ORC4: variants seen among roughly 807,000 people sequenced by gnomAD.
The protein encoded by ORC4 is origin recognition complex subunit 4.
In ORC4, 55 loss-of-function variants were observed where a neutral mutation model predicts 63.9. The observed-to-expected ratio is 0.86, with a 90% confidence interval of 0.69 to 1.08. ORC4 has a LOEUF of 1.08. ORC4 is among the 50% of genes least tolerant of loss of function. The pLI is 0.00. For missense variants in ORC4, 511 were observed against 504.4 expected (o/e 1.01, Z -0.13); for synonymous variants, 150 against 168.5 (o/e 0.89, Z 0.85).
At chr2:147,999,299 C>T (rs1055367764) in intron 1 of ORC4, among the ~76,000 whole-genome samples, 6 of 152,046 alleles carry the variant, frequency 3.9e-5, no homozygotes, top group African/African-American at 1.4e-4. Flanking sequence ...GGGTATCAGA[C>T]AAAAAGGTTT....
chr2:147,994,869 A>G (rs920080639), intron 1 of ORC4, among the ~76,000 whole-genome samples: 2 of 152,210 alleles, frequency 1.3e-5, no homozygotes, highest in African/African-American at 2.4e-5. Context: ...TACTAAAAAT[A>G]CAAAAATTAG....
At chr2:147,937,877 G>GTTA (rs2059059818) in intron 13 of ORC4, 2 of 459,264 alleles carry the variant, frequency 4.4e-6, no homozygotes, top group Non-Finnish European at 7.9e-6. Flanking sequence ...AAAGGGAAAG[G>GTTA]TTATATCACA....
intron 4 of ORC4, among the ~76,000 whole-genome samples, chr2:147,972,124 G>A (rs914704275): frequency 2.6e-5 from 4 of 151,966 alleles, no homozygotes; most frequent in Non-Finnish European, 5.9e-5. Context: ...TTGCATAAAG[G>A]ATATCAAAGA....
At chr2:147,967,117 A>G (rs1404602781) in intron 4 of ORC4, among the ~76,000 whole-genome samples, 1 of 152,010 alleles carries the variant, frequency 6.6e-6, no homozygotes, top group Non-Finnish European at 1.5e-5. Flanking sequence ...GCAGAAAAAA[A>G]CACGTGATAA....
At chr2:148,006,089 A>G (rs1300323210) in intron 1 of ORC4, among the ~76,000 whole-genome samples, 1 of 152,200 alleles carries the variant, frequency 6.6e-6, no homozygotes, top group African/African-American at 2.4e-5. Context: ...CGAAGAGGGT[A>G]GGAAAGACAG....
intron 1 of ORC4, among the ~76,000 whole-genome samples, chr2:147,984,472 C>A (rs890671484): frequency 4.6e-5 from 7 of 151,960 alleles, no homozygotes; most frequent in Admixed American, 2.0e-4. Flanking sequence ...AGGCTATTAA[C>A]AGTTAAGTTT....
intron 1 of ORC4, among the ~76,000 whole-genome samples, chr2:148,005,326 T>C (rs1017275592): frequency 2.6e-5 from 4 of 151,902 alleles, no homozygotes; most frequent in African/African-American, 9.7e-5. Flanking sequence ...AAACAACGCA[T>C]GTTCCCATAA....
chr2:147,937,050 T>C (rs1049117499), intron 13 of ORC4: 1 of 151,392 alleles, frequency 6.6e-6, no homozygotes, highest in Non-Finnish European at 1.5e-5. Context: ...ATTTAAATAC[T>C]TGGGTAACCT....
intron 1 of ORC4, among the ~76,000 whole-genome samples, chr2:147,980,192 C>T (rs1442120609): frequency 6.6e-6 from 1 of 151,860 alleles, no homozygotes; most frequent in African/African-American, 2.4e-5. Context: ...TCAGCAGATT[C>T]AACCAACTTA....
intron 1 of ORC4, among the ~76,000 whole-genome samples, chr2:147,995,080 TATAAA>T: frequency 6.6e-6 from 1 of 151,382 alleles, no homozygotes; most frequent in East Asian, 2.0e-4. Context: ...ATCAGCACTC[TATAAA>T]AACGCACCAA....
chr2:147,941,000 G>C (rs1311687026), intron 10 of ORC4, among the ~76,000 whole-genome samples: 2 of 152,048 alleles, frequency 1.3e-5, no homozygotes, highest in Non-Finnish European at 1.5e-5. Flanking sequence ...TGGTGCAAAA[G>C]TAATTGCCAT....
At chr2:147,954,597 GGTT>G (rs1689142829) in intron 7 of ORC4, among the ~76,000 whole-genome samples, 2 of 152,114 alleles carry the variant, frequency 1.3e-5, no homozygotes, top group Non-Finnish European at 2.9e-5. Flanking sequence ...TTGAATTAAA[GGTT>G]GTTATGTGGC....
At chr2:147,945,924 A>G (rs1415184632) in intron 9 of ORC4, among the ~76,000 whole-genome samples, 1 of 152,122 alleles carries the variant, frequency 6.6e-6, no homozygotes, top group African/African-American at 2.4e-5. Flanking sequence ...AGACAGGCAC[A>G]AGATGATCAG....
At chr2:147,996,627 T>C (rs772376806) in intron 1 of ORC4, among the ~76,000 whole-genome samples, 5 of 152,128 alleles carry the variant, frequency 3.3e-5, no homozygotes, top group East Asian at 1.9e-4. Context: ...CCAAATAAGA[T>C]ACAGAGGTGG....
intron 1 of ORC4, among the ~76,000 whole-genome samples, chr2:147,988,129 CTT>C (rs976951989): frequency 1.0e-4 from 15 of 150,626 alleles, no homozygotes; most frequent in African/African-American, 3.7e-4. Context: ...CTAAATTAAA[CTT>C]AACTAATATT....
At chr2:147,984,154 T>G (rs979911631) in intron 1 of ORC4, among the ~76,000 whole-genome samples, 2 of 152,080 alleles carry the variant, frequency 1.3e-5, no homozygotes, top group African/African-American at 2.4e-5. Flanking sequence ...AATTACCTGT[T>G]TAGTTACACC....
chr2:147,990,469 A>G (rs1308293865), intron 1 of ORC4, among the ~76,000 whole-genome samples: 1 of 152,222 alleles, frequency 6.6e-6, no homozygotes, highest in Non-Finnish European at 1.5e-5. Context: ...GGGGAGAAAT[A>G]AGGGCCAATA....
intron 1 of ORC4, among the ~76,000 whole-genome samples, chr2:148,013,595 A>G (rs1203199984): frequency 1.3e-5 from 2 of 152,236 alleles, no homozygotes; most frequent in Non-Finnish European, 2.9e-5. Context: ...TCCCTAACAC[A>G]AAGAAATGAC....
chr2:148,012,618 A>G (rs537285320), intron 1 of ORC4, among the ~76,000 whole-genome samples: 82 of 152,280 alleles, frequency 5.4e-4, no homozygotes, highest in African/African-American at 1.9e-3. Flanking sequence ...TCCAAGCCAA[A>G]AAGCTTCTGC....
Sources: gnomAD v4.1 joint callset for allele counts (sites outside exome capture counted in the v4.1 genomes callset) on GRCh38, gnomAD v4.1.1 for gene constraint, MANE v1.5 for transcripts, NCBI Gene and HGNC (gene_info 2026-07-23, HGNC 2026-07-21) for gene names.